The following SDK1 variants were observed in gnomAD, a reference collection of about 807,000 sequenced individuals.
SDK1 encodes the protein sidekick cell adhesion molecule 1.
Under a neutral mutation model 245.5 loss-of-function variants are expected in SDK1, and 157 were observed. The observed-to-expected ratio is 0.64, with a 90% CI of 0.56 to 0.73. The LOEUF (loss-of-function observed/expected upper bound fraction) is 0.73, where lower values mean the gene tolerates loss of function less well. SDK1 is among the 30% of genes least tolerant of loss of function. SDK1 has a pLI of 0.00. For missense variants in SDK1, 3,583 were observed against 3,002.3 expected (o/e 1.19, Z -4.52); for synonymous variants, 1,647 against 1,278.5 (o/e 1.29, Z -6.15).
rs1383287618 is a variant in SDK1 at position 4,108,250 on chromosome 7, A to G, written c.3325-2413A>G. 3.9e-5 allele frequency among the ~76,000 whole-genome samples: 6 copies of G among 152,190 alleles called. No homozygotes were observed. In the East Asian group the frequency reaches 1.2e-3, roughly 29 times the overall value. Reference sequence around the variant, plus strand: ...CCCTGATGGGGGATAGGGAGGCCTCAGTCCTGTCTGACTCAAGAGCTAGTC... The same window carrying G: ...CCCTGATGGGGGATAGGGAGGCCTCGGTCCTGTCTGACTCAAGAGCTAGTC... On this transcript the variant is annotated intron_variant, in intron 22 of 44. Coordinates refer to ENST00000404826, the MANE Select transcript of SDK1 (RefSeq NM_152744.4).
intron 4 of SDK1, among the ~76,000 whole-genome samples, chr7:3,685,092 C>T (rs1047455378): frequency 6.6e-6 from 1 of 152,088 alleles, no homozygotes; most frequent in African/African-American, 2.4e-5. Context: ...TGTTTGACAG[C>T]ATCTCCGATT....
At chr7:3,594,695 C>A (rs971386177) in intron 1 of SDK1, among the ~76,000 whole-genome samples, 1 of 152,130 alleles carries the variant, frequency 6.6e-6, no homozygotes, top group Non-Finnish European at 1.5e-5. Context: ...TTCCCAGTGA[C>A]TAATGACATT....
intron 5 of SDK1, among the ~76,000 whole-genome samples, chr7:3,848,957 G>A (rs373700615): frequency 7.9e-5 from 12 of 152,254 alleles, no homozygotes; most frequent in African/African-American, 2.2e-4. Flanking sequence ...GGCGTGAGCC[G>A]CCGCGCCCGG....
rs1046609027 is a variant in SDK1 at position 3,977,641 on chromosome 7, G to A, written c.1994+3096G>A. Among the ~76,000 whole-genome samples, 12 of 152,288 alleles carry A rather than the reference G, an allele frequency of 7.9e-5. No homozygotes were observed. In the South Asian group the frequency reaches 8.3e-4, roughly 11 times the overall value. On this transcript the variant is annotated intron_variant, in intron 13 of 44. Coordinates refer to ENST00000404826, the MANE Select transcript of SDK1 (RefSeq NM_152744.4). ...ATTCAACGACAGTAGCACTTCCTGCGGTTCAGTTACCAGGATGCTGCCTGC... is the reference window on the plus strand; with the variant it reads ...ATTCAACGACAGTAGCACTTCCTGCAGTTCAGTTACCAGGATGCTGCCTGC...
chr7:3,958,851 G>A (rs1781458251), intron 7 of SDK1, 80 bp from the exon 8 acceptor site: 1 of 1,081,946 alleles, frequency 9.2e-7, no homozygotes, highest in Non-Finnish European at 1.4e-6. Flanking sequence ...TTTAAGAGGA[G>A]CCCACACTAT....
chr7:3,867,367 G>T (rs1336014140), intron 5 of SDK1, among the ~76,000 whole-genome samples: 2 of 152,138 alleles, frequency 1.3e-5, no homozygotes, highest in African/African-American at 4.8e-5. Flanking sequence ...CAGCCCTTTT[G>T]ATTAAGCCAT....
At chr7:3,725,336 G>T (rs140713196) in intron 4 of SDK1, among the ~76,000 whole-genome samples, 9 of 152,314 alleles carry the variant, frequency 5.9e-5, no homozygotes, top group African/African-American at 1.9e-4. Context: ...CCTTCTCAAA[G>T]CATTGCAGCC....
chr7:4,205,001 T>G (rs1280792675), intron 35 of SDK1, among the ~76,000 whole-genome samples: 4 of 152,016 alleles, frequency 2.6e-5, no homozygotes, highest in African/African-American at 7.2e-5. Context: ...AATGGCGGTG[T>G]GGTAAGGCGC....
intron 1 of SDK1, among the ~76,000 whole-genome samples, chr7:3,457,559 C>T (rs1287859926): frequency 6.6e-6 from 1 of 152,174 alleles, no homozygotes; most frequent in Non-Finnish European, 1.5e-5. Flanking sequence ...TCCTCTCTTT[C>T]CAGGTTTCTG....
At chr7:3,606,523 C>T (rs1781431105) in intron 1 of SDK1, among the ~76,000 whole-genome samples, 1 of 152,134 alleles carries the variant, frequency 6.6e-6, no homozygotes, top group Admixed American at 6.5e-5. Context: ...CATCTGTCAT[C>T]CCCCGCACTC....
Position 3,908,683 on chromosome 7 carries a change from TTAATA to T in SDK1, c.848-42237_848-42233del, listed in dbSNP as rs1779047069. On this transcript the variant is annotated intron_variant, in intron 5 of 44. Transcript: ENST00000404826. ...AATTGTCTTTTCCTCCAAATCCTCTTTAATATATTTTTCATGTCAAAGGGGAAATC... is the reference window on the plus strand; with the variant it reads ...AATTGTCTTTTCCTCCAAATCCTCTTTATTTTTCATGTCAAAGGGGAAATC... 3.3e-5 allele frequency among the ~76,000 whole-genome samples: 5 copies of T among 152,302 alleles called. No homozygotes were observed. In the South Asian group the frequency reaches 8.3e-4, roughly 25 times the overall value.
rs142441984 is a variant in SDK1 at position 3,912,980 on chromosome 7, G to A, written c.848-37943G>A. Among the ~76,000 whole-genome samples the A allele has an allele frequency of 3.5e-3, 533 of 152,372 alleles. 2 individuals are homozygous for A. The highest frequency in any genetic ancestry group is 6.0e-3 in the Non-Finnish European group (406 of 68,032). On this transcript the variant is annotated intron_variant, in intron 5 of 44. Transcript: ENST00000404826. ...GTGGAGGGCCGAAGGCAAGCAAGAT[G>A]TGGATCAGGCTCTTGTTTTTCTCTT...
At chr7:3,917,409 C>G (rs955662852) in intron 5 of SDK1, among the ~76,000 whole-genome samples, 2 of 152,126 alleles carry the variant, frequency 1.3e-5, no homozygotes, top group African/African-American at 4.8e-5. Flanking sequence ...CTCATTGCAT[C>G]CAGGGTACAG....
chr7:3,670,313 T>A (rs1329061199), intron 4 of SDK1, among the ~76,000 whole-genome samples: 1 of 152,184 alleles, frequency 6.6e-6, no homozygotes, highest in East Asian at 1.9e-4. Context: ...ACCTAAATTT[T>A]TTCTTCCATC....
At position 4,093,625 on chromosome 7, in the gene SDK1, C is replaced by T. The variant is rs138143722; in HGVS notation, c.3324+14041C>T. Among the ~76,000 whole-genome samples, 755 of 152,310 alleles carry T rather than the reference C, an allele frequency of 5.0e-3. 6 individuals are homozygous for T. Among genetic ancestry groups the T allele is most frequent in the African/African-American group, 0.016 (685 of 41,584 alleles). ...TAAAGAGTAGTGGAGATGGAGCAGC[C>T]GGGCGCCCAGGCGTCCCCAGGACGC... On this transcript the variant is annotated intron_variant, in intron 22 of 44. Coordinates refer to ENST00000404826, the MANE Select transcript of SDK1 (RefSeq NM_152744.4).
intron 3 of SDK1, among the ~76,000 whole-genome samples, chr7:3,639,379 C>T (rs771043452): frequency 6.0e-4 from 91 of 152,186 alleles, no homozygotes; most frequent in Middle Eastern, 6.8e-3. Flanking sequence ...GAATGGGGTG[C>T]CTTCTGTTTT....
At chr7:3,564,624 T>C (rs1213277405) in intron 1 of SDK1, among the ~76,000 whole-genome samples, 1 of 152,086 alleles carries the variant, frequency 6.6e-6, no homozygotes, top group Non-Finnish European at 1.5e-5. Flanking sequence ...ATAAAATGAA[T>C]AAATTCTCAG....
chr7:4,169,954 C>T (rs1326705730), intron 32 of SDK1, among the ~76,000 whole-genome samples: 3 of 152,166 alleles, frequency 2.0e-5, no homozygotes, highest in African/African-American at 7.2e-5. Context: ...AGAACACTTC[C>T]TTGGGGCTCA....
At chr7:3,354,221 A>G (rs1780734694) in intron 1 of SDK1, among the ~76,000 whole-genome samples, 1 of 151,756 alleles carries the variant, frequency 6.6e-6, no homozygotes, top group South Asian at 2.1e-4. Flanking sequence ...GATGGTCTTG[A>G]TCTCCTGACC....
Sources: gnomAD v4.1 joint callset for allele counts (sites outside exome capture counted in the v4.1 genomes callset) on GRCh38, gnomAD v4.1.1 for gene constraint, MANE v1.5 for transcripts, NCBI Gene and HGNC (gene_info 2026-07-23, HGNC 2026-07-21) for gene names.